The following MOB1B variants were observed in gnomAD, a reference collection of about 807,000 sequenced individuals.
MOB1B encodes MOB kinase activator 1B, also known as MOB1 Mps One Binder homolog B.
In MOB1B, 19 loss-of-function variants were observed where a neutral mutation model predicts 24.4. The ratio of observed to expected loss-of-function variants is 0.78; its 90% confidence interval spans 0.54 to 1.14. The LOEUF (loss-of-function observed/expected upper bound fraction) is 1.14, where lower values mean the gene tolerates loss of function less well. Among genes scored for constraint, MOB1B ranks in the 50% most tolerant of loss-of-function variants. The pLI is 0.00. For missense variants in MOB1B, 243 were observed against 259.6 expected, an observed-to-expected ratio of 0.94 and a Z score of 0.44; for synonymous variants, 76 against 82.1, an observed-to-expected ratio of 0.93 and a Z score of 0.40.
intron 4 of MOB1B, among the ~76,000 whole-genome samples, chr4:70,977,263 T>C (rs999871488): frequency 6.6e-6 from 1 of 152,204 alleles, no homozygotes; most frequent in East Asian, 1.9e-4. Context: ...ATGTGCACTT[T>C]AGTCATTTTT....
intron 3 of MOB1B, 31 bp from the exon 4 acceptor site, chr4:70,975,122 C>G (rs747463714): frequency 2.6e-6 from 4 of 1,558,480 alleles, no homozygotes; most frequent in Middle Eastern, 3.5e-4. Context: ...ATATACTAAT[C>G]TTCTGTGTGC....
At chr4:70,969,893 C>T (rs772753259) in intron 2 of MOB1B, 38 bp from the exon 3 acceptor site, 1 of 1,120,206 alleles carries the variant, frequency 8.9e-7, no homozygotes, top group Non-Finnish European at 1.3e-6. Context: ...TTAAATTTAG[C>T]CATTCTGTTT....
intron 1 of MOB1B, among the ~76,000 whole-genome samples, chr4:70,912,634 A>G (rs1736037678): frequency 6.6e-6 from 1 of 152,160 alleles, no homozygotes. Context: ...AGAACAGTGC[A>G]AAGAACTTCC....
intron 1 of MOB1B, among the ~76,000 whole-genome samples, chr4:70,913,259 GGTATGTATGTAT>G (rs58774039): frequency 0.014 from 2,105 of 150,014 alleles, 42 homozygotes; most frequent in East Asian, 0.064. Context: ...CGTTTGTATG[GGTATGTATGTAT>G]GTATGTATGT....
At chr4:70,943,201 A>G (rs1284465772) in intron 1 of MOB1B, among the ~76,000 whole-genome samples, 2 of 152,226 alleles carry the variant, frequency 1.3e-5, no homozygotes, top group Non-Finnish European at 2.9e-5. Flanking sequence ...ATAAGCATAC[A>G]TTCTCATTTC....
intron 1 of MOB1B, among the ~76,000 whole-genome samples, chr4:70,938,334 CAAAAA>C (rs71211984): frequency 1.6e-4 from 1 of 6,306 alleles, no homozygotes; most frequent in African/African-American, 4.3e-4. Context: ...CCCCCCCCCC[CAAAAA>C]AAAAAAAAAA....
intron 4 of MOB1B, 95 bp downstream of exon 4, chr4:70,975,381 G>A: frequency 6.5e-7 from 1 of 1,537,522 alleles, no homozygotes; most frequent in African/African-American, 1.4e-5. Flanking sequence ...TAGTTGGAGA[G>A]TTCTTTATGG....
intron 1 of MOB1B, among the ~76,000 whole-genome samples, chr4:70,938,988 T>C (rs1737214958): frequency 6.6e-6 from 1 of 152,166 alleles, no homozygotes; most frequent in Non-Finnish European, 1.5e-5. Flanking sequence ...GCCTGGCCCC[T>C]TGCAGTTCAA....
At chr4:70,956,179 CT>C in intron 1 of MOB1B, among the ~76,000 whole-genome samples, 1 of 152,166 alleles carries the variant, frequency 6.6e-6, no homozygotes, top group Admixed American at 6.6e-5. Flanking sequence ...TGGATTTACA[CT>C]TTTGCACTGG....
At chr4:70,974,482 A>G (rs1190114445) in intron 3 of MOB1B, among the ~76,000 whole-genome samples, 1 of 152,108 alleles carries the variant, frequency 6.6e-6, no homozygotes, top group Admixed American at 6.6e-5. Flanking sequence ...CCTTGAGAGT[A>G]GGGAAAGTGT....
At chr4:70,957,703 C>T (rs527279930) in intron 1 of MOB1B, among the ~76,000 whole-genome samples, 167 of 151,668 alleles carry the variant, frequency 1.1e-3, no homozygotes, top group East Asian at 6.8e-3. Context: ...TCTGGCCTCC[C>T]AAGTAGCTGG....
chr4:70,972,596 A>G (rs983309398), intron 3 of MOB1B, among the ~76,000 whole-genome samples: 4 of 152,184 alleles, frequency 2.6e-5, no homozygotes, highest in Non-Finnish European at 4.4e-5. Context: ...GTGATGACAG[A>G]AATACATTTC....
chr4:70,959,159 A>G, intron 2 of MOB1B, 119 bp downstream of exon 2: 1 of 734,234 alleles, frequency 1.4e-6, no homozygotes, highest in Non-Finnish European at 2.2e-6. Context: ...TAAAAGAGTG[A>G]TATCTCAATC....
intron 1 of MOB1B, among the ~76,000 whole-genome samples, chr4:70,927,215 T>C (rs768783647): frequency 6.6e-6 from 1 of 151,932 alleles, no homozygotes; most frequent in Non-Finnish European, 1.5e-5. Context: ...TTGCAGTCTG[T>C]GTTCATCAAA....
intron 1 of MOB1B, among the ~76,000 whole-genome samples, chr4:70,933,988 A>G (rs984044550): frequency 6.6e-6 from 1 of 152,148 alleles, no homozygotes; most frequent in African/African-American, 2.4e-5. Flanking sequence ...GGAGTTCAAG[A>G]CCAGCCTGGT....
chr4:70,910,550 C>G (rs917373690), intron 1 of MOB1B, among the ~76,000 whole-genome samples: 4 of 151,638 alleles, frequency 2.6e-5, no homozygotes, highest in African/African-American at 9.7e-5. Flanking sequence ...GCATTATTGT[C>G]TCATGATGCT....
intron 1 of MOB1B, among the ~76,000 whole-genome samples, chr4:70,958,481 T>G (rs1205973124): frequency 2.0e-5 from 3 of 152,138 alleles, no homozygotes; most frequent in Non-Finnish European, 2.9e-5. Flanking sequence ...TGTAGCTTTT[T>G]TTTCTTGTTC....
At chr4:70,956,303 T>C (rs1181505502) in intron 1 of MOB1B, among the ~76,000 whole-genome samples, 1 of 152,190 alleles carries the variant, frequency 6.6e-6, no homozygotes, top group Non-Finnish European at 1.5e-5. Context: ...ATTTTAAATA[T>C]ATTTTTTAGA....
At chr4:70,940,251 TG>T (rs1326804619) in intron 1 of MOB1B, among the ~76,000 whole-genome samples, 1 of 152,164 alleles carries the variant, frequency 6.6e-6, no homozygotes, top group Non-Finnish European at 1.5e-5. Context: ...CAGGAGTGCC[TG>T]TCCTCACCTA....
Sources: gnomAD v4.1 joint callset for allele counts (sites outside exome capture counted in the v4.1 genomes callset) on GRCh38, gnomAD v4.1.1 for gene constraint, MANE v1.5 for transcripts, NCBI Gene and HGNC (gene_info 2026-07-23, HGNC 2026-07-21) for gene names.